The following RABL2B variants were observed in gnomAD, a reference collection of about 807,000 sequenced individuals.
RABL2B encodes the protein RAB, member of RAS oncogene family like 2B, also known as rab-like protein 2B.
RABL2B carries 17 observed loss-of-function variants against 26.7 expected under a neutral mutation model. The ratio of observed to expected loss-of-function variants is 0.64; its 90% CI spans 0.44 to 0.95. RABL2B has a LOEUF of 0.95. Ranked by LOEUF, RABL2B falls within the 40% of genes least tolerant of loss-of-function variation. RABL2B has a pLI of 0.00. For missense variants in RABL2B, 170 were observed against 277.2 expected (o/e 0.61, Z 2.75); for synonymous variants, 70 against 103.9 (o/e 0.67, Z 1.99).
chr22:50,777,437 C>A (rs1251446734), intron 3 of RABL2B, among the ~76,000 whole-genome samples: 1 of 143,524 alleles, frequency 7.0e-6, no homozygotes, highest in Non-Finnish European at 1.5e-5. Flanking sequence ...CTGTGGTTCT[C>A]AGTGGATCCA....
intron 6 of RABL2B, 113 bp downstream of exon 6, chr22:50,769,792 C>T (rs2146949172): frequency 6.6e-6 from 7 of 1,063,902 alleles, no homozygotes; most frequent in South Asian, 4.6e-5. Context: ...TGTATCTTAT[C>T]GTGGGAGGGA....
intron 6 of RABL2B, 175 bp from the exon 7 acceptor site, chr22:50,769,727 C>A (rs563437836): frequency 6.2e-4 from 651 of 1,044,732 alleles, no homozygotes; most frequent in Non-Finnish European, 8.5e-4. Context: ...GAGGGCAGGT[C>A]GGCTTAGCTG....
Position 50,768,621 on chromosome 22 carries a change from G to T in RABL2B, c.*155C>A. On this transcript the variant is annotated 3_prime_UTR_variant, in exon 9 of 9. Coordinates refer to ENST00000691320, the MANE Select transcript of RABL2B (RefSeq NM_001130919.3). ...GTTTGCTGGTGCTGACCTCATCCCT[G>T]TATCACGGGCCTAGAATGTGGGAGG... 1.4e-6 allele frequency: 2 copies of T among 1,468,344 alleles called. No homozygotes were observed. Among genetic ancestry groups the T allele is most frequent in the Non-Finnish European group, 1.8e-6 (2 of 1,105,624 alleles). 91.0% of individuals were successfully genotyped at this position (1,468,344 alleles called of 1,614,324 possible).
chr22:50,773,352 C>T lies in RABL2B; in HGVS notation c.297+2420G>A, dbSNP rs537560993. ...GTCGGGGGAATTAGGTGATGAGTTCCTTCCTTTACCATCTGCAAAGGGTCA... is the reference window on the plus strand; with the variant it reads ...GTCGGGGGAATTAGGTGATGAGTTCTTTCCTTTACCATCTGCAAAGGGTCA... On this transcript the variant is annotated intron_variant, in intron 5 of 8. Transcript: ENST00000691320. Among the ~76,000 whole-genome samples the T allele has an allele frequency of 3.3e-5, 5 of 152,338 alleles. No homozygotes were observed. In the South Asian group the frequency reaches 1.0e-3, roughly 32 times the overall value.
In RABL2B at chr22:50,777,331, C is replaced by G. The variant is rs567609012; in HGVS notation, c.138-582G>C. On this transcript the variant is annotated intron_variant, in intron 3 of 8. Transcript: ENST00000691320. The stretch of plus-strand genomic sequence containing the variant: ...GCTGGGTGTGCAGGAGCACTTGGTA[C>G]AAGGTGGAGTAACACATACTCAGAT... Among the ~76,000 whole-genome samples, 58 of 151,466 alleles carry G rather than the reference C, an allele frequency of 3.8e-4. No homozygotes were observed. In the South Asian group the frequency reaches 5.9e-3, roughly 15 times the overall value.
At position 50,777,904 on chromosome 22, in the gene RABL2B, G is replaced by A. The variant is rs141841916; in HGVS notation, c.137+48C>T. Reference sequence around the variant, plus strand: ...GGCAGTGGGACACTGATACATGAGCGTGGGAAGACCCACAGGAACAAGGGG... The same window carrying A: ...GGCAGTGGGACACTGATACATGAGCATGGGAAGACCCACAGGAACAAGGGG... On this transcript the variant is annotated intron_variant, in intron 3 of 8. Coordinates refer to ENST00000691320, the MANE Select transcript of RABL2B (RefSeq NM_001130919.3). 3,445 of 1,613,814 alleles carry A rather than the reference G, an allele frequency of 2.1e-3. 70 individuals are homozygous for A. In the African/African-American group the frequency reaches 0.041, roughly 19 times the overall value.
intron 2 of RABL2B, among the ~76,000 whole-genome samples, chr22:50,781,784 C>T (rs1299447071): frequency 4.6e-5 from 7 of 151,596 alleles, no homozygotes; most frequent in African/African-American, 1.7e-4. Context: ...ATCGTCAGTT[C>T]TACCCAGTTT....
intron 2 of RABL2B, chr22:50,780,483 C>T (rs188671651): frequency 3.2e-6 from 1 of 313,572 alleles, no homozygotes; most frequent in South Asian, 2.8e-5. Context: ...TCACCACAGC[C>T]TGGATGTGTT....
chr22:50,778,067 G>A (rs2085263302), intron 2 of RABL2B, 86 bp from the exon 3 acceptor site: 14 of 1,598,750 alleles, frequency 8.8e-6, no homozygotes, highest in Non-Finnish European at 1.1e-5. Context: ...TGACAACCTG[G>A]AAGCCACCTG....
At chr22:50,770,133 A>G in intron 5 of RABL2B, 117 bp from the exon 6 acceptor site, 1 of 1,557,288 alleles carries the variant, frequency 6.4e-7, no homozygotes, top group Non-Finnish European at 8.7e-7. Flanking sequence ...GTTTGTGGGA[A>G]CGCTCTGAAT....
chr22:50,775,410 G>C (rs1309871462), intron 5 of RABL2B, among the ~76,000 whole-genome samples: 9 of 152,160 alleles, frequency 5.9e-5, no homozygotes, highest in African/African-American at 7.2e-5. Context: ...GCGCCCCCTA[G>C]GGAAAGGCAG....
chr22:50,780,594 A>AGT, intron 2 of RABL2B: 1 of 444,518 alleles, frequency 2.2e-6, no homozygotes, highest in South Asian at 1.6e-5. Context: ...ACTGAACCAC[A>AGT]GTGTTCTCAT....
chr22:50,770,207 G>A (rs2083934820), intron 5 of RABL2B, 191 bp from the exon 6 acceptor site: 8 of 668,304 alleles, frequency 1.2e-5, no homozygotes, highest in South Asian at 1.9e-5. Flanking sequence ...CTCCAGATGC[G>A]AAAATGTTTT....
At chr22:50,776,798 G>A in intron 3 of RABL2B, 49 bp from the exon 4 acceptor site, 1 of 1,567,370 alleles carries the variant, frequency 6.4e-7, no homozygotes, top group Non-Finnish European at 8.7e-7. Flanking sequence ...GGTAAGGAAG[G>A]AGTGGGGAGC....
intron 2 of RABL2B, among the ~76,000 whole-genome samples, chr22:50,778,832 T>C (rs1337210368): frequency 1.3e-5 from 2 of 149,040 alleles, no homozygotes; most frequent in African/African-American, 5.0e-5. Flanking sequence ...GAAGGGTCAC[T>C]GCTTGCCTGT....
chr22:50,777,843 C>G lies in RABL2B; in HGVS notation c.137+109G>C. On this transcript the variant is annotated intron_variant, in intron 3 of 8. Transcript: ENST00000691320. ...AACAAAACCTGTGCGTTCACTTACC[C>G]AATCCTCCTTCCTGGGCTGCTGGTA... The G allele has an allele frequency of 1.9e-6, 3 of 1,569,386 alleles. No individual in the cohort carries two copies. The South Asian group carries it at 3.3e-5, about 17-fold the overall frequency.
chr22:50,772,520 C>T (rs1476431257), intron 5 of RABL2B: 2 of 990,916 alleles, frequency 2.0e-6, no homozygotes, highest in Non-Finnish European at 2.4e-6. Context: ...AGACAACCAC[C>T]ACCCTGTAAC....
intron 5 of RABL2B, chr22:50,771,536 C>G (rs1436882894): frequency 6.6e-6 from 1 of 152,148 alleles, no homozygotes; most frequent in Non-Finnish European, 1.5e-5. Flanking sequence ...CTAGGCCTCC[C>G]AAAGTACTGG....
intron 1 of RABL2B, 104 bp downstream of exon 1, chr22:50,783,397 G>A (rs1200853122): frequency 6.6e-6 from 1 of 152,430 alleles, no homozygotes; most frequent in East Asian, 1.9e-4. Flanking sequence ...CCACCTTTCC[G>A]TGCTTCCCCC....
Sources: allele counts gnomAD v4.1 joint callset (sites outside exome capture counted in the v4.1 genomes callset), GRCh38; gene constraint gnomAD v4.1.1; transcripts MANE v1.5; gene names NCBI Gene and HGNC (gene_info 2026-07-23, HGNC 2026-07-21).